Variants in ENOX1 observed in about 807,000 individuals in gnomAD.
ENOX1 encodes candidate growth-related and time keeping constitutive hydroquinone (NADH) oxidase.
In ENOX1, 42 loss-of-function variants were observed where a neutral mutation model predicts 82.5. The ratio of observed to expected loss-of-function variants is 0.51; its 90% CI spans 0.40 to 0.66. The LOEUF is 0.66. ENOX1 is among the 30% of genes least tolerant of loss of function. The probability of loss-of-function intolerance (pLI) is 0.00; values close to 1 mark genes in which losing one functional copy is unlikely to be tolerated. For synonymous variants in ENOX1, 271 were observed against 282.2 expected (o/e 0.96, Z 0.40); for missense variants, 608 against 811.6 (o/e 0.75, Z 3.05).
At chr13:43,349,996 A>G (rs901064139) in intron 8 of ENOX1, among the ~76,000 whole-genome samples, 3 of 152,182 alleles carry the variant, frequency 2.0e-5, no homozygotes, top group African/African-American at 7.2e-5. Context: ...AATGCTGGGC[A>G]TGAATTACCT....
rs1349674640 is a variant in ENOX1, at chr13:43,445,411, C to CCA, written c.-74-32424_-74-32423insTG. 3.3e-5 allele frequency among the ~76,000 whole-genome samples: 5 copies of CCA among 152,276 alleles called. No individual in the cohort carries two copies. In the East Asian group the frequency reaches 5.8e-4, roughly 18 times the overall value. On this transcript the variant is annotated intron_variant, in intron 3 of 16. Coordinates refer to ENST00000690772, the MANE Select transcript of ENOX1 (RefSeq NM_001347969.2). Reference sequence around the variant, plus strand: ...GTGCTGGGATTACAGGTGTGAGCCACTGCCCCCGGCCCACTTTCTGGGTCT... The same window carrying CCA: ...GTGCTGGGATTACAGGTGTGAGCCACCATGCCCCCGGCCCACTTTCTGGGTCT...
At chr13:43,541,722 C>T (rs2078737151) in intron 2 of ENOX1, among the ~76,000 whole-genome samples, 1 of 152,108 alleles carries the variant, frequency 6.6e-6, no homozygotes, top group Non-Finnish European at 1.5e-5. Context: ...TTCCCTAACA[C>T]AATACTCGAG....
chr13:43,629,113 G>A (rs1022313234), intron 2 of ENOX1, among the ~76,000 whole-genome samples: 1 of 152,118 alleles, frequency 6.6e-6, no homozygotes, highest in African/African-American at 2.4e-5. Context: ...GAAAGTCCTC[G>A]CTCCCTACTT....
At chr13:43,419,304 G>A (rs184931066) in intron 3 of ENOX1, among the ~76,000 whole-genome samples, 10 of 152,226 alleles carry the variant, frequency 6.6e-5, no homozygotes, top group Non-Finnish European at 8.8e-5. Flanking sequence ...ATCCACTTTG[G>A]GAGACCAAGG....
At chr13:43,447,314 T>A (rs1011845109) in intron 3 of ENOX1, among the ~76,000 whole-genome samples, 2 of 152,170 alleles carry the variant, frequency 1.3e-5, no homozygotes, top group African/African-American at 4.8e-5. Flanking sequence ...AGTATGTCGA[T>A]GTCACTTGGT....
intron 1 of ENOX1, among the ~76,000 whole-genome samples, chr13:43,730,107 A>G (rs2089247607): frequency 1.3e-5 from 2 of 152,182 alleles, no homozygotes; most frequent in South Asian, 4.1e-4. Flanking sequence ...GGGGGATAGG[A>G]GCAATCTCTT....
At chr13:43,373,589 T>TACACACACGTGTGCATAAACAC (rs2153569443) in intron 5 of ENOX1, among the ~76,000 whole-genome samples, 1 of 152,278 alleles carries the variant, frequency 6.6e-6, no homozygotes, top group East Asian at 1.9e-4. Flanking sequence ...CACATACACA[T>TACACACACGTGTGCATAAACAC]ACACACACGT....
intron 14 of ENOX1, among the ~76,000 whole-genome samples, chr13:43,247,061 C>G (rs754856755): frequency 2.6e-5 from 4 of 152,206 alleles, no homozygotes; most frequent in Admixed American, 2.0e-4. Flanking sequence ...GTGGCTTGCA[C>G]CTGTAATCCC....
At chr13:43,636,174 G>A (rs1441362655) in intron 2 of ENOX1, among the ~76,000 whole-genome samples, 3 of 152,132 alleles carry the variant, frequency 2.0e-5, no homozygotes, top group East Asian at 3.9e-4. Context: ...GCTGATGATG[G>A]GTCAAGAGCA....
intron 9 of ENOX1, among the ~76,000 whole-genome samples, chr13:43,330,392 A>G (rs1327380676): frequency 6.6e-6 from 1 of 152,254 alleles, no homozygotes; most frequent in Non-Finnish European, 1.5e-5. Context: ...TCAGATAAAA[A>G]GCATAGATTC....
At chr13:43,464,660 C>G (rs879728707) in intron 3 of ENOX1, among the ~76,000 whole-genome samples, 2 of 152,170 alleles carry the variant, frequency 1.3e-5, no homozygotes, top group South Asian at 2.1e-4. Context: ...ACTCCTCCCC[C>G]ACTTTCCCCC....
At position 43,339,749 on chromosome 13, in the gene ENOX1, A is replaced by T. The variant is rs1392131425; in HGVS notation, c.1036+4789T>A. Reference sequence around the variant, plus strand: ...CAGTTGGGGCTGCTATGGAATAACCAGGAGATTTCCAGCCACCTGGGAGAA... The same window carrying T: ...CAGTTGGGGCTGCTATGGAATAACCTGGAGATTTCCAGCCACCTGGGAGAA... On this transcript the variant is annotated intron_variant, in intron 9 of 16. Coordinates refer to ENST00000690772, the MANE Select transcript of ENOX1 (RefSeq NM_001347969.2). Among the ~76,000 whole-genome samples the T allele has an allele frequency of 2.0e-5, 3 of 152,228 alleles. No homozygotes were observed. In the East Asian group the frequency reaches 5.8e-4, roughly 29 times the overall value.
At chr13:43,483,502 C>A (rs1180070043) in intron 3 of ENOX1, among the ~76,000 whole-genome samples, 2 of 152,040 alleles carry the variant, frequency 1.3e-5, no homozygotes, top group Non-Finnish European at 2.9e-5. Context: ...CCTATTCTAT[C>A]ATTTATAAAT....
intron 1 of ENOX1, among the ~76,000 whole-genome samples, chr13:43,774,083 A>G (rs1443668596): frequency 6.6e-6 from 1 of 152,218 alleles, no homozygotes; most frequent in Non-Finnish European, 1.5e-5. Context: ...CAGCTTCTCT[A>G]ACTTCTACAG....
intron 2 of ENOX1, among the ~76,000 whole-genome samples, chr13:43,568,906 A>C (rs868792683): frequency 2.0e-5 from 3 of 152,148 alleles, no homozygotes; most frequent in Non-Finnish European, 4.4e-5. Context: ...GAGGCTGAGC[A>C]TGGTGAGAAA....
chr13:43,510,597 C>T (rs1286518165), intron 2 of ENOX1, among the ~76,000 whole-genome samples: 2 of 152,012 alleles, frequency 1.3e-5, no homozygotes, highest in Non-Finnish European at 2.9e-5. Context: ...AGCCATTGCC[C>T]GCATTTTGAT....
chr13:43,748,781 T>C (rs146130300), intron 1 of ENOX1, among the ~76,000 whole-genome samples: 2 of 152,372 alleles, frequency 1.3e-5, no homozygotes, highest in African/African-American at 4.8e-5. Flanking sequence ...GTTATTGTCC[T>C]ATTTTACTTA....
At chr13:43,386,317 A>C (rs1322565724) in intron 5 of ENOX1, among the ~76,000 whole-genome samples, 1 of 152,178 alleles carries the variant, frequency 6.6e-6, no homozygotes, top group Non-Finnish European at 1.5e-5. Context: ...GATGTATGAA[A>C]TTTCTTTGTA....
At chr13:43,682,668 T>C (rs571542269) in intron 1 of ENOX1, among the ~76,000 whole-genome samples, 2 of 152,014 alleles carry the variant, frequency 1.3e-5, no homozygotes. Context: ...TGAGCCAAGA[T>C]TTGAAAGTTT....
Sources: allele counts gnomAD v4.1 joint callset (sites outside exome capture counted in the v4.1 genomes callset), GRCh38; gene constraint gnomAD v4.1.1; transcripts MANE v1.5; gene names NCBI Gene and HGNC (gene_info 2026-07-23, HGNC 2026-07-21).